BTG4: variants seen among roughly 807,000 people sequenced by gnomAD.
The protein encoded by BTG4 is BTG anti-proliferation factor 4, also known as protein BTG4.
BTG4 carries 10 observed loss-of-function variants against 19.3 expected under a neutral mutation model. The observed-to-expected ratio is 0.52, with a 90% CI of 0.32 to 0.88. BTG4 has a LOEUF of 0.88. BTG4 is among the 40% of genes least tolerant of loss of function. The probability of loss-of-function intolerance (pLI) is 0.04; values close to 1 mark genes in which losing one functional copy is unlikely to be tolerated. For synonymous variants in BTG4, 91 were observed against 95.7 expected (o/e 0.95, Z 0.29); for missense variants, 238 against 281.9 (o/e 0.84, Z 1.11).
chr11:111,461,706 T>A, the BTG4 span, among the ~76,000 whole-genome samples: 1 of 152,076 alleles, frequency 6.6e-6, no homozygotes, highest in African/African-American at 2.4e-5. Context: ...AACATGAGAC[T>A]CCGTCTCAAA....
the BTG4 span, among the ~76,000 whole-genome samples, chr11:111,388,602 C>T: frequency 2.1e-4 from 32 of 152,124 alleles, no homozygotes; most frequent in African/African-American, 7.0e-4. Context: ...GCTTCACGCA[C>T]GCCCCACACC....
At chr11:111,449,123 G>C in the BTG4 span, among the ~76,000 whole-genome samples, 1 of 152,016 alleles carries the variant, frequency 6.6e-6, no homozygotes, top group African/African-American at 2.4e-5. Context: ...TTATTGAAAT[G>C]ATAGCACCAG....
intron 3 of BTG4, 25 bp downstream of exon 3, chr11:111,497,973 G>A: frequency 4.3e-6 from 7 of 1,609,788 alleles, no homozygotes; most frequent in Non-Finnish European, 4.2e-6. Context: ...GTATCACACA[G>A]CACACAAACT....
At chr11:111,422,998 T>C in the BTG4 span, among the ~76,000 whole-genome samples, 2 of 152,206 alleles carry the variant, frequency 1.3e-5, no homozygotes, top group Non-Finnish European at 2.9e-5. Context: ...TTCTCCCCCA[T>C]GCACTGGACA....
downstream of BTG4, among the ~76,000 whole-genome samples, chr11:111,493,360 A>T (rs1458152516): frequency 1.3e-5 from 2 of 152,262 alleles, no homozygotes; most frequent in East Asian, 3.8e-4. Flanking sequence ...TGCAATAATC[A>T]GGTAACTAAT....
At chr11:111,475,168 ATCTGATG>A (rs1366892529) in intron 5 of BTG4, 1 of 152,586 alleles carries the variant, frequency 6.6e-6, no homozygotes, top group Middle Eastern at 3.2e-3. Context: ...TCACTACAAC[ATCTGATG>A]AAGCTGATAA....
the BTG4 span, among the ~76,000 whole-genome samples, chr11:111,429,818 G>T: frequency 1.3e-5 from 2 of 152,240 alleles, no homozygotes; most frequent in Non-Finnish European, 2.9e-5. Flanking sequence ...TTCTTCTGCT[G>T]CTGATCCCAC....
the BTG4 span, among the ~76,000 whole-genome samples, chr11:111,434,425 G>A: frequency 3.3e-5 from 5 of 152,140 alleles, no homozygotes; most frequent in African/African-American, 4.8e-5. Context: ...GAGGGATAGC[G>A]TTGGGAGAAA....
At chr11:111,501,247 C>T (rs1239153679) in intron 1 of BTG4, among the ~76,000 whole-genome samples, 1 of 152,034 alleles carries the variant, frequency 6.6e-6, no homozygotes, top group Non-Finnish European at 1.5e-5. Context: ...ACCTGTAGCC[C>T]TAGCTACTCG....
chr11:111,404,499 C>A, the BTG4 span: 2 of 441,016 alleles, frequency 4.5e-6, no homozygotes, highest in South Asian at 1.6e-5. Flanking sequence ...AGAGGTGAAG[C>A]ACACCATGAA....
the BTG4 span, among the ~76,000 whole-genome samples, chr11:111,389,576 T>C: frequency 6.6e-6 from 1 of 152,220 alleles, no homozygotes; most frequent in African/African-American, 2.4e-5. Context: ...AAGTGCACAA[T>C]GCCCAGAATA....
chr11:111,425,552 A>C, the BTG4 span, among the ~76,000 whole-genome samples: 1 of 152,232 alleles, frequency 6.6e-6, no homozygotes, highest in African/African-American at 2.4e-5. Context: ...TAGTAGAAGA[A>C]AAACTTAAGA....
upstream of BTG4, chr11:111,514,188 T>C (rs759175343): frequency 2.1e-4 from 32 of 155,966 alleles, no homozygotes; most frequent in Admixed American, 3.7e-4. Context: ...TATGCAACTT[T>C]TAGTGGGAGT....
At chr11:111,497,145 A>T in intron 4 of BTG4, 66 bp downstream of exon 4, 1 of 1,399,340 alleles carries the variant, frequency 7.1e-7, no homozygotes, top group Non-Finnish European at 9.9e-7. Context: ...TTGTTTTCAT[A>T]ATGAGTGCAT....
the BTG4 span, among the ~76,000 whole-genome samples, chr11:111,422,412 T>G: frequency 6.6e-6 from 1 of 152,112 alleles, no homozygotes; most frequent in Non-Finnish European, 1.5e-5. Flanking sequence ...CCAGGTGCCC[T>G]CCTGCTGGAC....
At chr11:111,447,791 T>G in the BTG4 span, among the ~76,000 whole-genome samples, 1 of 152,220 alleles carries the variant, frequency 6.6e-6, no homozygotes, top group Non-Finnish European at 1.5e-5. Context: ...CATGAAATAT[T>G]CAGTGAGTGC....
chr11:111,441,507 G>A, the BTG4 span, among the ~76,000 whole-genome samples: 2 of 152,116 alleles, frequency 1.3e-5, no homozygotes, highest in Admixed American at 1.3e-4. Flanking sequence ...AGATCCCACA[G>A]TCTGAATTAG....
chr11:111,511,224 A>G lies in BTG4; in HGVS notation c.-27+957T>C, dbSNP rs554649091. Among the ~76,000 whole-genome samples the G allele has an allele frequency of 1.1e-4, 17 of 152,344 alleles. No individual in the cohort carries two copies. The South Asian group carries it at 3.3e-3, about 30-fold the overall frequency. On this transcript the variant is annotated intron_variant, in intron 1 of 4. Transcript: ENST00000692032. ...TTACAATTAACATTTTCTGTGCTAC[A>G]TATTTTGTATTTTGGTTTCTTTCCC...
chr11:111,493,060 C>A (rs920956027), downstream of BTG4, among the ~76,000 whole-genome samples: 2 of 152,154 alleles, frequency 1.3e-5, no homozygotes, highest in Non-Finnish European at 2.9e-5. Context: ...GCACGAGAAT[C>A]ACTTGAACCT....
Sources: gnomAD v4.1 joint callset for allele counts (sites outside exome capture counted in the v4.1 genomes callset) on GRCh38, gnomAD v4.1.1 for gene constraint, MANE v1.5 for transcripts, NCBI Gene and HGNC (gene_info 2026-07-23, HGNC 2026-07-21) for gene names.